Variants in NDST4 observed in about 807,000 individuals in gnomAD.
NDST4 encodes the protein N-deacetylase and N-sulfotransferase 4.
A neutral mutation model predicts 100.8 loss-of-function variants in NDST4; 63 were observed. The observed-to-expected ratio is 0.62, with a 90% confidence interval of 0.51 to 0.77. The LOEUF (loss-of-function observed/expected upper bound fraction) is 0.77, where lower values mean the gene tolerates loss of function less well. NDST4 is among the 30% of genes least tolerant of loss of function. The pLI is 0.00. For synonymous variants in NDST4, 377 were observed against 361.8 expected (o/e 1.04, Z -0.48); for missense variants, 943 against 1,018.4 (o/e 0.93, Z 1.01).
At chr4:115,101,538 G>A (rs1373793785) in intron 1 of NDST4, among the ~76,000 whole-genome samples, 1 of 152,068 alleles carries the variant, frequency 6.6e-6, no homozygotes, top group East Asian at 1.9e-4. Flanking sequence ...AGTAGAAGCT[G>A]TACGTAAATA....
rs568851558 is a variant in NDST4 at position 115,022,509 on chromosome 4, C to CAT, written c.979-45237_979-45236dup. Among the ~76,000 whole-genome samples the CAT allele has an allele frequency of 8.4e-4, 111 of 132,186 alleles. 2 individuals are homozygous for CAT. Among genetic ancestry groups the CAT allele is most frequent in the East Asian group, 2.3e-3 (11 of 4,736 alleles). 86.7% of individuals were successfully genotyped at this position (132,186 alleles called of 152,430 possible). ...ATATGTTCCATATATATATATGTTC[C>CAT]ATATATATATATATGTGATGGAATA... On this transcript the variant is annotated intron_variant, in intron 2 of 13. Coordinates refer to ENST00000264363, the MANE Select transcript of NDST4 (RefSeq NM_022569.3).
At chr4:115,098,595 A>T (rs1729666381) in intron 1 of NDST4, among the ~76,000 whole-genome samples, 1 of 152,246 alleles carries the variant, frequency 6.6e-6, no homozygotes, top group Non-Finnish European at 1.5e-5. Context: ...GGTTTATTAT[A>T]AAGCTATAGT....
At chr4:114,848,094 T>G (rs1418314847) in intron 9 of NDST4, 121 bp downstream of exon 9, 3 of 797,286 alleles carry the variant, frequency 3.8e-6, no homozygotes, top group Non-Finnish European at 5.7e-6. Context: ...TAAATTAATT[T>G]CTAATTCACT....
intron 1 of NDST4, among the ~76,000 whole-genome samples, chr4:115,110,177 G>A (rs1407117894): frequency 6.6e-6 from 1 of 151,924 alleles, no homozygotes; most frequent in African/African-American, 2.4e-5. Flanking sequence ...TATTAGAAAT[G>A]CCTGTATATA....
intron 8 of NDST4, among the ~76,000 whole-genome samples, chr4:114,851,142 T>C (rs1250090906): frequency 6.6e-6 from 1 of 152,184 alleles, no homozygotes. Flanking sequence ...TTTAAGTCAC[T>C]GAAAGACAAG....
chr4:114,914,906 A>G (rs905671098), intron 6 of NDST4, among the ~76,000 whole-genome samples: 1 of 152,002 alleles, frequency 6.6e-6, no homozygotes, highest in Admixed American at 6.6e-5. Flanking sequence ...GGTAACTTGG[A>G]CTCAAGACAG....
intron 6 of NDST4, among the ~76,000 whole-genome samples, chr4:114,929,196 A>G (rs1370660510): frequency 6.6e-6 from 1 of 150,796 alleles, no homozygotes; most frequent in Non-Finnish European, 1.5e-5. Context: ...GTTTCCCTGG[A>G]GAACCCCGTC....
intron 1 of NDST4, among the ~76,000 whole-genome samples, chr4:115,086,167 T>C (rs192792595): frequency 1.2e-3 from 182 of 152,272 alleles, no homozygotes; most frequent in South Asian, 3.1e-3. Flanking sequence ...ATATCCAATA[T>C]TGATTAAATA....
chr4:114,958,000 G>T (rs2126234851), intron 4 of NDST4, among the ~76,000 whole-genome samples: 1 of 152,302 alleles, frequency 6.6e-6, no homozygotes, highest in East Asian at 1.9e-4. Flanking sequence ...GGCTTTTCCA[G>T]GTGCACGGTG....
chr4:114,898,511 C>T (rs929284098), intron 6 of NDST4, among the ~76,000 whole-genome samples: 8 of 152,104 alleles, frequency 5.3e-5, no homozygotes, highest in Non-Finnish European at 8.8e-5. Context: ...ATTCCTCCTC[C>T]TTCAATATTT....
rs373176677 is a variant in NDST4, at chr4:115,010,199, G to A, written c.979-32925C>T. Among the ~76,000 whole-genome samples, 23 of 127,126 alleles carry A rather than the reference G, an allele frequency of 1.8e-4. 5 individuals are homozygous for A. The highest frequency in any genetic ancestry group is 8.0e-4 in the Admixed American group (10 of 12,442). 83.4% of individuals were successfully genotyped at this position (127,126 alleles called of 152,430 possible). A position where few individuals can be genotyped will look rare whatever the true frequency, so the allele number is the denominator to read the frequency against. ...TCCCATTACTGGGTATATACCCAAC[G>A]GACTATAAATCATGCTGCTATAAAG... On this transcript the variant is annotated intron_variant, in intron 2 of 13. Transcript: ENST00000264363.
intron 1 of NDST4, among the ~76,000 whole-genome samples, chr4:115,085,924 T>G (rs184659754): frequency 1.3e-5 from 2 of 152,278 alleles, no homozygotes; most frequent in East Asian, 3.9e-4. Context: ...CAGAGGTAAG[T>G]AGTGCTTTAT....
At chr4:115,036,446 A>T (rs1053707626) in intron 2 of NDST4, among the ~76,000 whole-genome samples, 1 of 151,452 alleles carries the variant, frequency 6.6e-6, no homozygotes, top group African/African-American at 2.4e-5. Flanking sequence ...TTAGATTCAA[A>T]ACATTATAAA....
rs994064228 is a variant in NDST4, at chr4:115,010,728, A to G, written c.979-33454T>C. ...CATATATGGCTCTTTGTGACTTTGAAATCTAAAGCGATTGTAGGATTATAG... is the reference window on the plus strand; with the variant it reads ...CATATATGGCTCTTTGTGACTTTGAGATCTAAAGCGATTGTAGGATTATAG... On this transcript the variant is annotated intron_variant, in intron 2 of 13. Coordinates refer to ENST00000264363, the MANE Select transcript of NDST4 (RefSeq NM_022569.3). Among the ~76,000 whole-genome samples the G allele has an allele frequency of 8.5e-5, 13 of 152,122 alleles. 4 individuals are homozygous for G. Among genetic ancestry groups the G allele is most frequent in the African/African-American group, 2.9e-4 (12 of 41,538 alleles).
intron 2 of NDST4, among the ~76,000 whole-genome samples, chr4:115,024,139 A>G (rs967289748): frequency 6.6e-6 from 1 of 152,144 alleles, no homozygotes; most frequent in Non-Finnish European, 1.5e-5. Flanking sequence ...GGGAAGAGCC[A>G]CTTCACACAG....
intron 2 of NDST4, among the ~76,000 whole-genome samples, chr4:114,983,741 G>A (rs1391051842): frequency 6.6e-6 from 1 of 152,144 alleles, no homozygotes; most frequent in Non-Finnish European, 1.5e-5. Flanking sequence ...TATGAGATTT[G>A]GGAGGGGCCA....
intron 2 of NDST4, among the ~76,000 whole-genome samples, chr4:114,987,061 AG>A (rs1385062660): frequency 6.6e-6 from 1 of 151,964 alleles, no homozygotes; most frequent in Non-Finnish European, 1.5e-5. Context: ...GTAGAACTCA[AG>A]CTAGTTAGGA....
At chr4:115,094,742 G>A (rs530974) in intron 1 of NDST4, among the ~76,000 whole-genome samples, 117,349 of 151,968 alleles carry the variant, frequency 0.77, 45,974 homozygotes, top group African/African-American at 0.89. Flanking sequence ...TGTCTTTATA[G>A]AAGGGAGAAA....
chr4:115,030,659 T>C (rs1389035844), intron 2 of NDST4, among the ~76,000 whole-genome samples: 1 of 152,116 alleles, frequency 6.6e-6, no homozygotes, highest in African/African-American at 2.4e-5. Context: ...AAAAATATAA[T>C]ACTGATCATA....
Sources: gnomAD v4.1 joint callset for allele counts (sites outside exome capture counted in the v4.1 genomes callset) on GRCh38, gnomAD v4.1.1 for gene constraint, MANE v1.5 for transcripts, NCBI Gene and HGNC (gene_info 2026-07-23, HGNC 2026-07-21) for gene names.